The following GALNT16 variants were observed in gnomAD, a reference collection of about 807,000 sequenced individuals.
GALNT16 encodes polypeptide N-acetylgalactosaminyltransferase 16.
In GALNT16, 40 loss-of-function variants were observed where a neutral mutation model predicts 76.1. The observed-to-expected ratio is 0.53, with a 90% CI of 0.41 to 0.68. The LOEUF (loss-of-function observed/expected upper bound fraction) is 0.68. GALNT16 is among the 30% of genes least tolerant of loss of function. The pLI is 0.00. For missense variants in GALNT16, 621 were observed against 731.9 expected, an observed-to-expected ratio of 0.85 and a Z score of 1.75; for synonymous variants, 276 against 285.2, an observed-to-expected ratio of 0.97 and a Z score of 0.32.
intron 1 of GALNT16, among the ~76,000 whole-genome samples, chr14:69,274,308 A>G (rs1047514664): frequency 2.6e-5 from 4 of 152,252 alleles, no homozygotes; most frequent in Middle Eastern, 3.2e-3. Flanking sequence ...GTTAATTTGT[A>G]TATTAGTTAT....
At chr14:69,267,696 T>C (rs1219059887) in intron 1 of GALNT16, among the ~76,000 whole-genome samples, 3 of 152,032 alleles carry the variant, frequency 2.0e-5, no homozygotes, top group African/African-American at 7.2e-5. Context: ...GGAGAGAGGA[T>C]GTGAATGAAG....
intron 7 of GALNT16, chr14:69,332,710 G>A (rs922312309): frequency 1.7e-5 from 3 of 179,568 alleles, no homozygotes; most frequent in African/African-American, 2.4e-5. Flanking sequence ...CCTTTCTCCA[G>A]GTATCTTCAT....
intron 10 of GALNT16, 128 bp downstream of exon 10, chr14:69,338,905 G>A (rs554971734): frequency 4.3e-6 from 3 of 701,832 alleles, no homozygotes; most frequent in South Asian, 4.0e-5. Context: ...TTCCCCATTT[G>A]CCCCCTCTGG....
At position 69,339,555 on chromosome 14, in the gene GALNT16, A is replaced by G. The variant is rs201555222; in HGVS notation, c.1123A>G (p.Met375Val). 6.2e-7 allele frequency: 1 copy of G among 1,613,046 alleles called. No homozygotes were observed. ...TACTAAGCGCACTGCAGAAGTGTGG[A>G]TGGATGAATACAAGCAATACTACTA... ...RNTKRTAEVW[M>V]DEYKQYYYEA... Residue 375 changes from methionine (M) to valine (V), a missense_variant, in exon 11 of 15, where the codon ATG (methionine) becomes GTG (valine). Met to Val is a conservative substitution (Grantham distance 21). Transcript: ENST00000448469.
chr14:69,273,059 C>G (rs1214929484), intron 1 of GALNT16, among the ~76,000 whole-genome samples: 2 of 152,228 alleles, frequency 1.3e-5, no homozygotes, highest in Non-Finnish European at 2.9e-5. Context: ...TTAGATCTTT[C>G]CAGTCCAGCT....
At chr14:69,370,517 T>C in the GALNT16 span, among the ~76,000 whole-genome samples, 2 of 152,222 alleles carry the variant, frequency 1.3e-5, no homozygotes, top group African/African-American at 2.4e-5. Flanking sequence ...GTAGCCAAGA[T>C]AGGATATAAC....
intron 1 of GALNT16, among the ~76,000 whole-genome samples, chr14:69,286,981 C>T (rs1162322286): frequency 1.3e-5 from 2 of 152,156 alleles, no homozygotes; most frequent in Non-Finnish European, 2.9e-5. Flanking sequence ...GACCCGTCTA[C>T]CCCAGGCCTG....
intron 12 of GALNT16, 107 bp from the exon 13 acceptor site, chr14:69,346,933 C>A (rs566694967): frequency 2.9e-6 from 4 of 1,392,924 alleles, no homozygotes; most frequent in East Asian, 4.6e-5. Context: ...CCCCTTCCCA[C>A]GGAGACCTCG....
chr14:69,328,705 G>A (rs2045317049), intron 6 of GALNT16, 134 bp downstream of exon 6: 1 of 803,816 alleles, frequency 1.2e-6, no homozygotes, highest in African/African-American at 1.7e-5. Flanking sequence ...TTCCCCCTGA[G>A]TGACTTCACC....
the GALNT16 span, among the ~76,000 whole-genome samples, chr14:69,382,464 C>G: frequency 6.6e-6 from 1 of 152,070 alleles, no homozygotes; most frequent in African/African-American, 2.4e-5. Context: ...TTTGTTTATA[C>G]CATTCCCCCC....
chr14:69,320,924 T>A, intron 2 of GALNT16, 56 bp downstream of exon 2: 1 of 1,529,774 alleles, frequency 6.5e-7, no homozygotes, highest in Non-Finnish European at 9.0e-7. Context: ...GCCAACATTG[T>A]TTAGTTTGTC....
At chr14:69,338,307 C>A (rs2045439188) in intron 9 of GALNT16, among the ~76,000 whole-genome samples, 1 of 152,196 alleles carries the variant, frequency 6.6e-6, no homozygotes, top group Admixed American at 6.5e-5. Flanking sequence ...TAGCTCATGT[C>A]TGTCTGGGGC....
chr14:69,328,352 C>T (rs2045310813), intron 5 of GALNT16, 98 bp from the exon 6 acceptor site: 1 of 1,251,418 alleles, frequency 8.0e-7, no homozygotes. Context: ...CAGGAAGCCT[C>T]AGCCCCTGAA....
chr14:69,277,343 G>A (rs546212943), intron 1 of GALNT16, among the ~76,000 whole-genome samples: 1 of 152,104 alleles, frequency 6.6e-6, no homozygotes, highest in African/African-American at 2.4e-5. Flanking sequence ...ATTTACATTA[G>A]GTATATCTCC....
chr14:69,341,523 C>T (rs187204137), intron 11 of GALNT16, among the ~76,000 whole-genome samples, 158 bp from the exon 12 acceptor site: 246 of 152,334 alleles, frequency 1.6e-3, no homozygotes, highest in Admixed American at 3.9e-3. Context: ...CAGAGAATAA[C>T]ATCAGATAAG....
chr14:69,383,674 T>C, the GALNT16 span, among the ~76,000 whole-genome samples: 4 of 152,232 alleles, frequency 2.6e-5, no homozygotes, highest in East Asian at 1.9e-4. Context: ...TTTAACACTC[T>C]GAAACTACTA....
chr14:69,340,155 G>A (rs1373251555), intron 11 of GALNT16, among the ~76,000 whole-genome samples: 2 of 152,166 alleles, frequency 1.3e-5, no homozygotes, highest in African/African-American at 4.8e-5. Context: ...TTGCAGTTAA[G>A]GGTTAGTATT....
chr14:69,260,869 G>A (rs1410800193), intron 1 of GALNT16, among the ~76,000 whole-genome samples: 3 of 152,056 alleles, frequency 2.0e-5, no homozygotes, highest in Non-Finnish European at 2.9e-5. Flanking sequence ...TCGCAGCCGA[G>A]CGCGTAGGTG....
chr14:69,382,305 C>T, the GALNT16 span, among the ~76,000 whole-genome samples: 1 of 152,148 alleles, frequency 6.6e-6, no homozygotes, highest in Non-Finnish European at 1.5e-5. Flanking sequence ...TTTCTGAAAA[C>T]TCTTTGTCCA....
Sources: allele counts gnomAD v4.1 joint callset (sites outside exome capture counted in the v4.1 genomes callset), GRCh38; gene constraint gnomAD v4.1.1; transcripts MANE v1.5; gene names NCBI Gene and HGNC (gene_info 2026-07-23, HGNC 2026-07-21).